The following ARMC5 variants were observed in gnomAD, a reference collection of about 807,000 sequenced individuals.
ARMC5 encodes armadillo repeat containing 5, also known as armadillo repeat-containing protein 5.
A neutral mutation model predicts 60.5 loss-of-function variants in ARMC5; 28 were observed. That is an observed-to-expected ratio of 0.46 (90% CI 0.34 to 0.63). ARMC5 has a LOEUF of 0.63. Among genes scored for constraint, ARMC5 ranks in the 30% least tolerant of loss-of-function variants. ARMC5 has a pLI of 0.01. For synonymous variants in ARMC5, 680 were observed against 607.3 expected (o/e 1.12, Z -1.76); for missense variants, 1,189 against 1,304.9 (o/e 0.91, Z 1.37).
chr16:31,463,342 AC>A (rs987458314), intron 3 of ARMC5, among the ~76,000 whole-genome samples: 1 of 151,642 alleles, frequency 6.6e-6, no homozygotes, highest in African/African-American at 2.4e-5. Context: ...CAGGTGATCC[AC>A]CCGCCTCAGC....
rs556559969 is a variant in ARMC5, at chr16:31,459,546, C to T, written c.22C>T (p.Leu8Phe). ...CAAGATGGCGGCTGCGAAGCCAACCCTCACGGACTCGCTCTCGTTCTGCCT... is the reference window on the plus strand; with the variant it reads ...CAAGATGGCGGCTGCGAAGCCAACCTTCACGGACTCGCTCTCGTTCTGCCT... MAAAKPT[L>F]TDSLSFCLAQ... is the part of the protein sequence containing the mutation. Residue 8 changes from leucine (L) to phenylalanine (F), a missense_variant, in exon 1 of 6, where the codon CTC (leucine) becomes TTC (phenylalanine). Leu to Phe is a conservative substitution (Grantham distance 22, BLOSUM62 0). This residue lies in a region of ARMC5 where 327 missense variants were observed against 233.7 expected (regional missense o/e 1.40). Transcript: ENST00000268314. The T allele has an allele frequency of 1.4e-5, 22 of 1,605,832 alleles. No individual in the cohort carries two copies. The highest frequency in any genetic ancestry group is 1.7e-5 in the Non-Finnish European group (20 of 1,179,064).
rs751374554 is a variant in ARMC5 at position 31,460,041 on chromosome 16, A to T, written c.475+42A>T. 3.8e-6 allele frequency: 6 copies of T among 1,588,106 alleles called. No homozygotes were observed. In the Admixed American group the frequency reaches 1.0e-4, roughly 27 times the overall value. The stretch of plus-strand genomic sequence containing the variant: ...CGTTTCCTAGAAAGATTAGGTTTGC[A>T]ACTCCCTTGCTCTCTAGACCCGGGC... On this transcript the variant is annotated intron_variant, in intron 1 of 5. Transcript: ENST00000268314.
intron 1 of ARMC5, among the ~76,000 whole-genome samples, chr16:31,461,707 C>G (rs569776593): frequency 2.6e-5 from 4 of 152,240 alleles, no homozygotes; most frequent in Admixed American, 2.6e-4. Context: ...GGGGTTTGGC[C>G]CCGTTGGCCA....
chr16:31,461,863 T>G, intron 1 of ARMC5, 59 bp from the exon 2 acceptor site: 2 of 1,485,622 alleles, frequency 1.3e-6, no homozygotes, highest in Non-Finnish European at 1.9e-6. Context: ...ATTCTCCAGG[T>G]TATTGATGTG....
In ARMC5 at chr16:31,459,893, G is replaced by T. The variant is rs1170494286; in HGVS notation, c.369G>T (p.Val123=). ...AVSSSSPTPP[V]RLRKTLDLAL... is the part of the protein sequence containing the mutation. The stretch of plus-strand genomic sequence containing the variant: ...CGTCGTCTAGTCCTACGCCGCCAGT[G>T]CGCCTGCGCAAGACGCTGGACTTGG... Residue 123 remains valine (V), a synonymous_variant, in exon 1 of 6, where the codon GTG becomes GTT. Transcript: ENST00000268314. 6.2e-7 allele frequency: 1 copy of T among 1,605,930 alleles called. No homozygotes were observed. Among genetic ancestry groups the T allele is most frequent in the Non-Finnish European group, 8.5e-7 (1 of 1,179,868 alleles).
intron 4 of ARMC5, chr16:31,465,565 T>C (rs1182300968): frequency 5.2e-6 from 6 of 1,162,832 alleles, no homozygotes; most frequent in East Asian, 5.9e-5. Flanking sequence ...TGTTTTATAT[T>C]GTATTATACT....
At chr16:31,465,782 A>G in intron 4 of ARMC5, 68 bp from the exon 5 acceptor site, 1 of 1,593,200 alleles carries the variant, frequency 6.3e-7, no homozygotes, top group Non-Finnish European at 8.5e-7. Context: ...ACGGGCCCAG[A>G]GCCCTGTCTC....
rs2082329964 is a variant in ARMC5, at chr16:31,464,311, A to AT, written c.1371-83_1371-82insT. 9.3e-7 allele frequency: 1 copy of AT among 1,075,150 alleles called. No homozygotes were observed. The highest frequency in any genetic ancestry group is 1.2e-6 in the Non-Finnish European group (1 of 804,528). The allele number at this position is 1,075,150 out of a possible 1,614,324, so 66.6% of individuals were successfully genotyped here. A position where few individuals can be genotyped will look rare whatever the true frequency, so the allele number is the denominator to read the frequency against. ...TTTCTTTAAAAAAAAAAAAAAAAAA[A>AT]AAAAAGACGCCTCACGCCTCTTGGA... On this transcript the variant is annotated intron_variant, in intron 3 of 5. Coordinates refer to ENST00000268314, the MANE Select transcript of ARMC5 (RefSeq NM_001105247.2). This position sits in a 1 kb window ranked among gnomAD's most constrained non-coding sequence, Gnocchi z 7.6.
chr16:31,462,319 C>T lies in ARMC5; in HGVS notation c.772C>T (p.Leu258Phe), dbSNP rs1309519721. The T allele has an allele frequency of 1.2e-6, 2 of 1,610,650 alleles. No homozygotes were observed. Among genetic ancestry groups the T allele is most frequent in the Non-Finnish European group, 1.7e-6 (2 of 1,179,810 alleles). The change falls in exon 3 of 6, where the codon CTC becomes TTC. Residue 258 changes from leucine (L) to phenylalanine (F), a missense_variant. By Grantham distance (22) the Leu-to-Phe change is conservative. Around this residue, in one of 2 missense-constraint regions of ARMC5, gnomAD observed 862 missense variants for 1,071.2 expected, o/e 0.80. Transcript: ENST00000268314. The surrounding 1 kb of genome is among the most constrained non-coding windows in gnomAD (Gnocchi z 7.2). ...TAPDAALTLA[L>F]VRALLELSRG... ...CCCAGATGCTGCACTGACCTTAGCC[C>T]TCGTCCGTGCCCTCCTGGAACTCAG...
upstream of ARMC5, chr16:31,459,225 A>G (rs1445029627): frequency 6.5e-7 from 1 of 1,531,940 alleles, no homozygotes; most frequent in Non-Finnish European, 8.7e-7. Flanking sequence ...GCCCTGGCCC[A>G]CCTGGAGGGC....
At position 31,464,484 on chromosome 16, in the gene ARMC5, G is replaced by A. The variant is rs2082331905; in HGVS notation, c.1461G>A (p.Glu487=). ...AGCAGTGTCCGCCGGAGCCCATGGA[G>A]CCGGCCAGCCCCGCCCCGACCCCGA... ...SPEQCPPEPM[E]PASPAPTPTS... is the part of the protein sequence containing the mutation. The change falls in exon 4 of 6, where the codon GAG becomes GAA. Residue 487 remains glutamate (E), a synonymous_variant. Coordinates refer to ENST00000268314, the MANE Select transcript of ARMC5 (RefSeq NM_001105247.2). This position sits in a 1 kb window ranked among gnomAD's most constrained non-coding sequence, Gnocchi z 7.6. 1.9e-6 allele frequency: 3 copies of A among 1,606,324 alleles called. No homozygotes were observed. Among genetic ancestry groups the A allele is most frequent in the Admixed American group, 3.4e-5 (2 of 59,114 alleles).
chr16:31,466,290 G>T lies in ARMC5; in HGVS notation c.2209G>T (p.Glu737Ter). ...AGACTCACCTTCCCCTTGCCTCTATGAACCTCTGCTGGGCCCAGCCCCTGT... is the reference window on the plus strand; with the variant it reads ...AGACTCACCTTCCCCTTGCCTCTATTAACCTCTGCTGGGCCCAGCCCCTGT... ...DLDSPSPCLY[E>*]PLLGPAPVPA... The change falls in exon 6 of 6, where the codon GAA becomes TAA. Residue 737 changes from glutamate to a stop codon, truncating the protein, a stop_gained. Transcript: ENST00000268314. LOFTEE classifies it high-confidence loss of function. This position sits in a 1 kb window ranked among gnomAD's most constrained non-coding sequence, Gnocchi z 8.0. 6.2e-7 allele frequency: 1 copy of T among 1,613,838 alleles called. No individual in the cohort carries two copies. Among genetic ancestry groups the T allele is most frequent in the Admixed American group, 1.7e-5 (1 of 60,020 alleles).
chr16:31,458,976 G>A (rs1285732580), upstream of ARMC5: 1 of 1,535,584 alleles, frequency 6.5e-7, no homozygotes, highest in Admixed American at 2.0e-5. Context: ...GAACGTTCTC[G>A]GTAGGTTTAA....
chr16:31,461,003 C>A (rs2082299351), intron 1 of ARMC5, among the ~76,000 whole-genome samples: 1 of 152,298 alleles, frequency 6.6e-6, no homozygotes, highest in Non-Finnish European at 1.5e-5. Flanking sequence ...TAAAATGTAT[C>A]TGGACCATAT....
upstream of ARMC5, chr16:31,458,356 G>T (rs1263486356): frequency 3.3e-6 from 5 of 1,519,982 alleles, no homozygotes; most frequent in Admixed American, 2.0e-5. Flanking sequence ...AGCTGACGCT[G>T]AAAGTCTTAC....
chr16:31,459,020 C>G (rs577334827), upstream of ARMC5: 2 of 1,531,134 alleles, frequency 1.3e-6, no homozygotes, highest in African/African-American at 1.4e-5. Context: ...GAGGGCTCCC[C>G]GTCTGCGGCG....
At position 31,466,095 on chromosome 16, in the gene ARMC5, C is replaced by T. The variant is rs746783059; in HGVS notation, c.2014C>T (p.Arg672Cys). 1.3e-6 allele frequency: 2 copies of T among 1,599,478 alleles called. No individual in the cohort carries two copies. The highest frequency in any genetic ancestry group is 2.2e-5 in the East Asian group (1 of 44,850). ...TCCCTGTAGGAAGCCCTCTCTGTGGCGCCGGCTGCTTCTGGAGCAGGGTGG... is the reference window on the plus strand; with the variant it reads ...TCCCTGTAGGAAGCCCTCTCTGTGGTGCCGGCTGCTTCTGGAGCAGGGTGG... Reference protein sequence around the residue: ...PFICRKPSLWRRLLLEQGGLR... With the variant: ...PFICRKPSLWCRLLLEQGGLR... The change falls in exon 6 of 6, where the codon CGC (arginine) becomes TGC (cysteine). Residue 672 changes from arginine (R) to cysteine (C), a missense_variant. Transcript: ENST00000268314. The surrounding 1 kb of genome is among the most constrained non-coding windows in gnomAD (Gnocchi z 8.0).
upstream of ARMC5, chr16:31,458,765 T>G: frequency 6.7e-7 from 1 of 1,493,072 alleles, no homozygotes; most frequent in Non-Finnish European, 8.9e-7. Flanking sequence ...AATGTCCCGC[T>G]CCCCCGCCGC....
At chr16:31,460,342 A>G in intron 1 of ARMC5, 1 of 279,224 alleles carries the variant, frequency 3.6e-6, no homozygotes, top group Non-Finnish European at 6.8e-6. Context: ...TCAGTGCCCA[A>G]CTATGTGTCC....
Sources: allele counts gnomAD v4.1 joint callset (sites outside exome capture counted in the v4.1 genomes callset), GRCh38; gene constraint gnomAD v4.1.1; regional missense constraint gnomAD v4.1.1; non-coding constraint Gnocchi (gnomAD v3.1); transcripts MANE v1.5; gene names NCBI Gene and HGNC (gene_info 2026-07-23, HGNC 2026-07-21).